The following ZAR1L variants were observed in gnomAD, a reference collection of about 807,000 sequenced individuals.
ZAR1L encodes zygote arrest 1 like.
A neutral mutation model predicts 30.0 loss-of-function variants in ZAR1L; 16 were observed. That is an observed-to-expected ratio of 0.53 (90% CI 0.36 to 0.81). The LOEUF (loss-of-function observed/expected upper bound fraction) is 0.81. ZAR1L is among the 30% of genes least tolerant of loss of function. ZAR1L has a pLI of 0.00. For synonymous variants in ZAR1L, 197 were observed against 166.8 expected, an observed-to-expected ratio of 1.18 and a Z score of -1.40; for missense variants, 392 against 417.2, an observed-to-expected ratio of 0.94 and a Z score of 0.53.
At chr13:32,312,517 T>C (rs1426207809) in intron 2 of ZAR1L, among the ~76,000 whole-genome samples, 3 of 152,192 alleles carry the variant, frequency 2.0e-5, no homozygotes, top group African/African-American at 7.2e-5. Flanking sequence ...TAAGTGTCTG[T>C]TAACAGAAAA....
chr13:32,308,547 T>G, intron 5 of ZAR1L, 139 bp downstream of exon 5: 1 of 617,264 alleles, frequency 1.6e-6, no homozygotes, highest in South Asian at 2.2e-5. Flanking sequence ...TATGCTTTCA[T>G]TGTTCTAAAA....
rs574466589 is a variant in ZAR1L at position 32,314,826 on chromosome 13, C to T, written c.-389-276G>A. ...GAGATTGCGCCATTGCACACCAGCC[C>T]GGGCCACAAGAGCGAAACTCCGTCT... On this transcript the variant is annotated intron_variant, in intron 1 of 5. Transcript: ENST00000533490. Among the ~76,000 whole-genome samples the T allele has an allele frequency of 7.9e-5, 12 of 151,946 alleles. No homozygotes were observed. The East Asian group carries it at 2.3e-3, about 29-fold the overall frequency.
chr13:32,313,698 T>C (rs2072229840), intron 2 of ZAR1L, among the ~76,000 whole-genome samples: 3 of 152,162 alleles, frequency 2.0e-5, no homozygotes, highest in Non-Finnish European at 4.4e-5. Flanking sequence ...AATTAAAGCA[T>C]ATTGTAAATT....
In ZAR1L at chr13:32,311,144, G is replaced by A; in HGVS notation, c.654+128C>T. On this transcript the variant is annotated intron_variant, in intron 3 of 5. Transcript: ENST00000533490. ...GCCACGTGATATACATATTTTCAGA[G>A]CTCCCTCTCCTTCACCAAGTACATG... 3.5e-6 allele frequency: 4 copies of A among 1,156,846 alleles called. No homozygotes were observed. The South Asian group carries it at 6.6e-5, about 19-fold the overall frequency. 71.7% of individuals were successfully genotyped at this position (1,156,846 alleles called of 1,614,324 possible).
chr13:32,308,722 ACT>A lies in ZAR1L; in HGVS notation c.784_785del (p.Ser262PhefsTer2), dbSNP rs1464221795. 2 of 1,551,116 alleles carry A rather than the reference ACT, an allele frequency of 1.3e-6. No homozygotes were observed. The highest frequency in any genetic ancestry group is 1.7e-6 in the Non-Finnish European group (2 of 1,146,796). ...FKQLCCKCQK[S>X]FNPYRVEAIQ... Reference sequence around the variant, plus strand: ...TTGCTTCTACTCGATAAGGGTTAAAACTCTTTTGGCATTTACAACAGAGTTGT... The same window carrying A: ...TTGCTTCTACTCGATAAGGGTTAAAACTTTTGGCATTTACAACAGAGTTGT... On this transcript the variant is annotated frameshift_variant, in exon 5 of 6. Coordinates refer to ENST00000533490, the MANE Select transcript of ZAR1L (RefSeq NM_001136571.2). LOFTEE classifies it high-confidence loss of function.
At chr13:32,304,056 T>C (rs1593871868) in intron 5 of ZAR1L, 34 bp from the exon 6 acceptor site, 11 of 1,544,466 alleles carry the variant, frequency 7.1e-6, no homozygotes, top group Non-Finnish European at 9.6e-6. Context: ...GGACGCTAAA[T>C]GATCAGTTTA....
intron 2 of ZAR1L, among the ~76,000 whole-genome samples, chr13:32,312,563 G>T (rs2072221762): frequency 6.6e-6 from 1 of 152,222 alleles, no homozygotes; most frequent in South Asian, 2.1e-4. Context: ...TTTATACAAT[G>T]GAATATTATT....
In ZAR1L at chr13:32,312,006, C is replaced by T; in HGVS notation, c.-81G>A. 1 of 1,408,588 alleles carries T rather than the reference C, an allele frequency of 7.1e-7. No homozygotes were observed. The allele number at this position is 1,408,588 out of a possible 1,614,324, so 87.3% of individuals were successfully genotyped here. On this transcript the variant is annotated 5_prime_UTR_variant, in exon 3 of 6. Coordinates refer to ENST00000533490, the MANE Select transcript of ZAR1L (RefSeq NM_001136571.2). ...TATTTTGCCTTCCTCCTTCATCCGCCCCTTCTTTCTCTTCATCAGGTTGGT... is the reference window on the plus strand; with the variant it reads ...TATTTTGCCTTCCTCCTTCATCCGCTCCTTCTTTCTCTTCATCAGGTTGGT...
chr13:32,311,566 G>A lies in ZAR1L; in HGVS notation c.360C>T (p.Gly120=). The change falls in exon 3 of 6, where the codon GGC becomes GGT. Residue 120 remains glycine (G), a synonymous_variant. Coordinates refer to ENST00000533490, the MANE Select transcript of ZAR1L (RefSeq NM_001136571.2). The part of the protein sequence containing the change: ...RTLSSCSPWD[G]RDPQEPLPAC... The stretch of plus-strand genomic sequence containing the variant: ...CTGGCAGGGGCTCCTGGGGGTCTCT[G>A]CCGTCCCAGGGGGAGCAGCTGCTGA... The A allele has an allele frequency of 6.5e-7, 1 of 1,535,962 alleles. No individual in the cohort carries two copies. Among genetic ancestry groups the A allele is most frequent in the Non-Finnish European group, 8.8e-7 (1 of 1,139,670 alleles).
intron 4 of ZAR1L, among the ~76,000 whole-genome samples, chr13:32,310,322 C>T (rs1019493456): frequency 3.3e-5 from 5 of 152,236 alleles, no homozygotes; most frequent in Non-Finnish European, 7.3e-5. Context: ...TTTCCTAGCG[C>T]TAAGGCCCAG....
rs758842310 is a variant in ZAR1L at position 32,311,747 on chromosome 13, A to G, written c.179T>C (p.Ile60Thr). 7.7e-6 allele frequency: 12 copies of G among 1,551,504 alleles called. No individual in the cohort carries two copies. The highest frequency in any genetic ancestry group is 4.1e-5 in the African/African-American group (3 of 73,052). Residue 60 changes from isoleucine (I) to threonine (T), a missense_variant, in exon 3 of 6, where the codon ATT becomes ACT. Transcript: ENST00000533490. ...LVPANAPDYC[I>T]DPYKRAQLKA... ...AAGCTGCGCCCTCTTGTAAGGGTCA[A>G]TGCAGTAGTCAGGGGCGTTCGCGGG...
At chr13:32,304,611 T>C (rs1013022186) in intron 5 of ZAR1L, among the ~76,000 whole-genome samples, 3 of 152,196 alleles carry the variant, frequency 2.0e-5, no homozygotes, top group African/African-American at 4.8e-5. Context: ...TAAATGTTTC[T>C]TTTCTTCTTC....
At chr13:32,310,019 A>T (rs1566210842) in intron 4 of ZAR1L, among the ~76,000 whole-genome samples, 1 of 152,254 alleles carries the variant, frequency 6.6e-6, no homozygotes, top group Non-Finnish European at 1.5e-5. Flanking sequence ...ACATCGGGCC[A>T]CGTAGACTGT....
In ZAR1L at chr13:32,311,371, C is replaced by T; in HGVS notation, c.555G>A (p.Glu185=). 1 of 1,550,926 alleles carries T rather than the reference C, an allele frequency of 6.4e-7. No homozygotes were observed. Among genetic ancestry groups the T allele is most frequent in the Non-Finnish European group, 8.7e-7 (1 of 1,146,986 alleles). The change falls in exon 3 of 6, where the codon GAG becomes GAA. Residue 185 remains glutamate (E), a synonymous_variant. Transcript: ENST00000533490. Reference sequence around the variant, plus strand: ...ACGGGGCGTCTTTCTCCCCCGATTCCTCCAGCTGCCCGGGCTCCTCCTGCC... The same window carrying T: ...ACGGGGCGTCTTTCTCCCCCGATTCTTCCAGCTGCCCGGGCTCCTCCTGCC... ...ADRQEEPGQL[E]ESGEKDAPCP...
chr13:32,310,548 G>A (rs1420772825), intron 4 of ZAR1L, 91 bp downstream of exon 4: 4 of 883,760 alleles, frequency 4.5e-6, no homozygotes, highest in African/African-American at 3.4e-5. Flanking sequence ...ACAGGACTAT[G>A]ACAGCCATGC....
rs1281977607 is a variant in ZAR1L, at chr13:32,311,770, G to A, written c.156C>T (p.Pro52=). The change falls in exon 3 of 6, where the codon CCC becomes CCT. Residue 52 remains proline, a synonymous_variant. Coordinates refer to ENST00000533490, the MANE Select transcript of ZAR1L (RefSeq NM_001136571.2). The stretch of plus-strand genomic sequence containing the variant: ...CAATGCAGTAGTCAGGGGCGTTCGC[G>A]GGCACCAGCAGCCCTGGCCTGGCCA... ...TFLARPGLLV[P]ANAPDYCIDP... is the part of the protein sequence containing the mutation. The A allele has an allele frequency of 1.9e-6, 3 of 1,551,552 alleles. No individual in the cohort carries two copies. Among genetic ancestry groups the A allele is most frequent in the Non-Finnish European group, 2.6e-6 (3 of 1,147,018 alleles).
chr13:32,307,619 AT>A (rs1462931785), intron 5 of ZAR1L, among the ~76,000 whole-genome samples: 2 of 151,838 alleles, frequency 1.3e-5, no homozygotes, highest in African/African-American at 4.8e-5. Flanking sequence ...ATAGAAAGGA[AT>A]ATTGAATATT....
intron 5 of ZAR1L, among the ~76,000 whole-genome samples, chr13:32,307,606 A>T (rs2072185785): frequency 1.3e-5 from 2 of 151,876 alleles, no homozygotes; most frequent in African/African-American, 4.8e-5. Context: ...ACATTAAAAA[A>T]TGATAGAAAG....
In ZAR1L at chr13:32,303,937, C is replaced by G; in HGVS notation, c.908G>C (p.Arg303Pro). 2 of 1,551,856 alleles carry G rather than the reference C, an allele frequency of 1.3e-6. No homozygotes were observed. The highest frequency in any genetic ancestry group is 1.7e-6 in the Non-Finnish European group (2 of 1,147,026). The change falls in exon 6 of 6, where the codon CGC (arginine) becomes CCC (proline). Residue 303 changes from arginine (R) to proline (P), a missense_variant. By Grantham distance (103) the Arg-to-Pro change is moderately radical. Transcript: ENST00000533490. Reference protein sequence around the residue: ...RRPHRQELCGRCKDKRFSCGN... With the variant: ...RRPHRQELCGPCKDKRFSCGN... Reference sequence around the variant, plus strand: ...ACAGGAGAATCTCTTGTCTTTGCAGCGACCACACAGTTCCTGTCGATGAGG... The same window carrying G: ...ACAGGAGAATCTCTTGTCTTTGCAGGGACCACACAGTTCCTGTCGATGAGG...
Sources: allele counts gnomAD v4.1 joint callset (sites outside exome capture counted in the v4.1 genomes callset), GRCh38; gene constraint gnomAD v4.1.1; transcripts MANE v1.5; gene names NCBI Gene and HGNC (gene_info 2026-07-23, HGNC 2026-07-21).